GRIA3: variants seen among roughly 807,000 people sequenced by gnomAD.
GRIA3 encodes glutamate ionotropic receptor AMPA type subunit 3.
GRIA3 carries 3 observed loss-of-function variants against 63.0 expected under a neutral mutation model. The observed-to-expected ratio is 0.05, with a 90% CI of 0.02 to 0.12. The LOEUF (loss-of-function observed/expected upper bound fraction) is 0.12, where lower values mean the gene tolerates loss of function less well. Ranked by LOEUF, GRIA3 falls within the 10% of genes least tolerant of loss-of-function variation. The probability of loss-of-function intolerance (pLI) is 1.00; values close to 1 mark genes in which losing one functional copy is unlikely to be tolerated. For synonymous variants in GRIA3, 274 were observed against 257.9 expected, an observed-to-expected ratio of 1.06 and a Z score of -0.60; for missense variants, 347 against 700.9, an observed-to-expected ratio of 0.50 and a Z score of 5.70.
At position 123,394,354 on chromosome X, in the gene GRIA3, G is replaced by A. The variant is rs185498443; in HGVS notation, c.751-614G>A. 4.2e-4 allele frequency among the ~76,000 whole-genome samples: 46 copies of A among 110,489 alleles called. No individual in the cohort carries two copies. In the East Asian group the frequency reaches 1.0e-2, roughly 24 times the overall value. On this transcript the variant is annotated intron_variant, in intron 5 of 15. Coordinates refer to ENST00000620443, the MANE Select transcript of GRIA3 (RefSeq NM_007325.5). ...TGCACTCCAGCCTGGGCGACACAGC[G>A]AGACTCTGCACTCCAGCCTGGGTAA...
chrX:123,356,658 T>G (rs1388696412), intron 5 of GRIA3, among the ~76,000 whole-genome samples: 1 of 111,929 alleles, frequency 8.9e-6, no homozygotes, highest in East Asian at 2.8e-4. Flanking sequence ...GATAAAGAGA[T>G]ATAGCAAAAT....
At chrX:123,279,906 A>C (rs1368399360) in intron 3 of GRIA3, among the ~76,000 whole-genome samples, 1 of 111,865 alleles carries the variant, frequency 8.9e-6, no homozygotes, top group Non-Finnish European at 1.9e-5. Context: ...ATTATGTTCA[A>C]ATTGATACAA....
At chrX:123,195,981 C>T (rs1365123113) in intron 2 of GRIA3, among the ~76,000 whole-genome samples, 1 of 111,300 alleles carries the variant, frequency 9.0e-6, no homozygotes, top group Non-Finnish European at 1.9e-5. Context: ...CCAGGCAATG[C>T]GGAGGCCCTC....
intron 11 of GRIA3, among the ~76,000 whole-genome samples, chrX:123,425,399 A>G (rs987168335): frequency 8.9e-6 from 1 of 112,235 alleles, no homozygotes; most frequent in Non-Finnish European, 1.9e-5. Flanking sequence ...ATTAGAACAG[A>G]GTCTGGCACA....
At chrX:123,308,203 C>T (rs751763088) in intron 3 of GRIA3, among the ~76,000 whole-genome samples, 6 of 111,845 alleles carry the variant, frequency 5.4e-5, no homozygotes, top group South Asian at 3.8e-4. Flanking sequence ...AGTTCTCAGT[C>T]GTTATACAAG....
chrX:123,464,996 G>A lies in GRIA3; in HGVS notation c.2208G>A (p.Leu736=). Residue 736 remains leucine, a synonymous_variant, in exon 13 of 16, where the codon CTG becomes CTA. Coordinates refer to ENST00000620443, the MANE Select transcript of GRIA3 (RefSeq NM_007325.5). ...CCAAGGGAAAGTTCGCCTTCCTGCT[G>A]GAGTCAACCATGAATGAGTACATTG... ...RKSKGKFAFL[L]ESTMNEYIEQ... is the part of the protein sequence containing the mutation. 3 of 1,210,442 alleles carry A rather than the reference G, an allele frequency of 2.5e-6. No homozygotes were observed. Among genetic ancestry groups the A allele is most frequent in the Non-Finnish European group, 3.4e-6 (3 of 894,492 alleles).
chrX:123,398,671 C>T lies in GRIA3; in HGVS notation c.948C>T (p.Val316=). The stretch of plus-strand genomic sequence containing the variant: ...CATTGACACACGACGCAATACTGGT[C>T]ATAGCAGAAGCTTTCCGCTACCTGA... ...TSALTHDAIL[V]IAEAFRYLRR... is the part of the protein sequence containing the mutation. Residue 316 remains valine, a synonymous_variant, in exon 7 of 16, where the codon GTC becomes GTT. Transcript: ENST00000620443. 8.3e-7 allele frequency: 1 copy of T among 1,207,751 alleles called. No individual in the cohort carries two copies. The highest frequency in any genetic ancestry group is 1.1e-6 in the Non-Finnish European group (1 of 892,126).
At chrX:123,331,597 C>CCTCTCCA (rs2044942325) in intron 4 of GRIA3, among the ~76,000 whole-genome samples, 1 of 111,712 alleles carries the variant, frequency 9.0e-6, no homozygotes, top group African/African-American at 3.3e-5. Context: ...CTGCCCAGTT[C>CCTCTCCA]CTCTCCACTT....
At chrX:123,477,698 T>G (rs1390035728) in intron 13 of GRIA3, among the ~76,000 whole-genome samples, 1 of 112,146 alleles carries the variant, frequency 8.9e-6, no homozygotes, top group Non-Finnish European at 1.9e-5. Flanking sequence ...CATGCCACAC[T>G]TTTATGAATG....
chrX:123,418,001 C>A (rs954797348), intron 11 of GRIA3: 7 of 380,511 alleles, frequency 1.8e-5, no homozygotes, highest in Non-Finnish European at 3.1e-5. Context: ...ATTGTATATA[C>A]ATTAAAACAA....
chrX:123,309,041 C>A (rs919605828), intron 3 of GRIA3, among the ~76,000 whole-genome samples: 1 of 111,999 alleles, frequency 8.9e-6, no homozygotes, highest in Non-Finnish European at 1.9e-5. Context: ...GCAGAGCAAG[C>A]CCATTTCTCC....
At chrX:123,301,929 T>C (rs1307221601) in intron 3 of GRIA3, among the ~76,000 whole-genome samples, 1 of 112,057 alleles carries the variant, frequency 8.9e-6, no homozygotes, top group East Asian at 2.8e-4. Context: ...ACAAAATTCA[T>C]CAAAACTTTA....
At chrX:123,469,327 C>T (rs2045850719) in intron 13 of GRIA3, among the ~76,000 whole-genome samples, 1 of 111,868 alleles carries the variant, frequency 8.9e-6, no homozygotes, top group Admixed American at 9.5e-5. Context: ...AGTTACCATA[C>T]TATGGAAAGA....
chrX:123,366,272 A>T (rs2045209700), intron 5 of GRIA3, among the ~76,000 whole-genome samples: 1 of 111,276 alleles, frequency 9.0e-6, no homozygotes, highest in African/African-American at 3.3e-5. Context: ...GCCCCTACTC[A>T]TGATGGAGTT....
In GRIA3 at chrX:123,329,743, T is replaced by C. The variant is rs1282576981; in HGVS notation, c.696+3530T>C. ...ATAAGAAGGTTTAGGTGAACAAGGGTGAATGAACCATTGGCCTGACCCAAT... is the reference window on the plus strand; with the variant it reads ...ATAAGAAGGTTTAGGTGAACAAGGGCGAATGAACCATTGGCCTGACCCAAT... On this transcript the variant is annotated intron_variant, in intron 4 of 15. Transcript: ENST00000620443. 2.7e-5 allele frequency among the ~76,000 whole-genome samples: 3 copies of C among 111,821 alleles called. No individual in the cohort carries two copies. The Admixed American group carries it at 2.8e-4, about 11-fold the overall frequency.
intron 12 of GRIA3, among the ~76,000 whole-genome samples, chrX:123,431,850 A>C (rs1569435712): frequency 8.9e-6 from 1 of 112,423 alleles, no homozygotes; most frequent in Non-Finnish European, 1.9e-5. Context: ...ATTTATATGC[A>C]TAAACACCCA....
chrX:123,473,488 C>T (rs2045873431), intron 13 of GRIA3, among the ~76,000 whole-genome samples: 1 of 111,811 alleles, frequency 8.9e-6, no homozygotes. Flanking sequence ...CCTGTACATG[C>T]CTGTTATGTC....
chrX:123,195,035 G>C (rs967710772), intron 2 of GRIA3, among the ~76,000 whole-genome samples: 25 of 113,049 alleles, frequency 2.2e-4, no homozygotes, highest in African/African-American at 7.1e-4. Flanking sequence ...TTTTGACAAT[G>C]CTTCTTCCTT....
chrX:123,398,566 T>C (rs1329974705), intron 6 of GRIA3, 70 bp from the exon 7 acceptor site: 3 of 884,739 alleles, frequency 3.4e-6, no homozygotes, highest in East Asian at 6.3e-5. Flanking sequence ...GAATGAAAAT[T>C]ATAAGAAACA....
Sources: gnomAD v4.1 joint callset for allele counts (sites outside exome capture counted in the v4.1 genomes callset) on GRCh38, gnomAD v4.1.1 for gene constraint, MANE v1.5 for transcripts, NCBI Gene and HGNC (gene_info 2026-07-23, HGNC 2026-07-21) for gene names.